The following AJAP1 variants were observed in gnomAD, a reference collection of about 807,000 sequenced individuals.
AJAP1 encodes adherens junction-associated protein 1.
In AJAP1, 5 loss-of-function variants were observed where a neutral mutation model predicts 35.0. The ratio of observed to expected loss-of-function variants is 0.14; its 90% CI spans 0.07 to 0.30. The LOEUF (loss-of-function observed/expected upper bound fraction) is 0.30. Among genes scored for constraint, AJAP1 ranks in the 10% least tolerant of loss-of-function variants. AJAP1 has a pLI of 1.00. For synonymous variants in AJAP1, 284 were observed against 249.3 expected (o/e 1.14, Z -1.31); for missense variants, 586 against 571.0 (o/e 1.03, Z -0.27).
intron 1 of AJAP1, among the ~76,000 whole-genome samples, chr1:4,694,247 T>C (rs901925006): frequency 1.6e-4 from 24 of 152,286 alleles, no homozygotes; most frequent in African/African-American, 5.1e-4. Context: ...CGATCAGATG[T>C]CGTCATAATC....
chr1:4,776,544 T>A lies in AJAP1; in HGVS notation c.*59+1986T>A, dbSNP rs115224290. Among the ~76,000 whole-genome samples, 861 of 152,012 alleles carry A rather than the reference T, an allele frequency of 5.7e-3. 13 individuals are homozygous for A. The highest frequency in any genetic ancestry group is 0.019 in the African/African-American group (790 of 41,458). On this transcript the variant is annotated intron_variant, in intron 5 of 5. Coordinates refer to ENST00000378191, the MANE Select transcript of AJAP1 (RefSeq NM_018836.4). The stretch of plus-strand genomic sequence containing the variant: ...GAACAGGAGCCCGCAGCACTGACTT[T>A]AAAAAAAATAAAAAGATAAAATAGG...
chr1:4,747,611 G>A (rs918838073), intron 2 of AJAP1, among the ~76,000 whole-genome samples: 5 of 152,198 alleles, frequency 3.3e-5, no homozygotes, highest in African/African-American at 9.7e-5. Flanking sequence ...GAGCAACTGC[G>A]TGCCATCCAC....
chr1:4,776,504 C>A (rs1641943294), intron 5 of AJAP1, among the ~76,000 whole-genome samples: 1 of 152,152 alleles, frequency 6.6e-6, no homozygotes, highest in Admixed American at 6.5e-5. Flanking sequence ...GCCCAGGGAT[C>A]CTTCTTTTCC....
chr1:4,692,836 G>A lies in AJAP1; in HGVS notation c.30-19064G>A, dbSNP rs150066482. Among the ~76,000 whole-genome samples the A allele has an allele frequency of 1.2e-3, 184 of 152,288 alleles. No homozygotes were observed. Among genetic ancestry groups the A allele is most frequent in the African/African-American group, 4.2e-3 (173 of 41,560 alleles). The stretch of plus-strand genomic sequence containing the variant: ...TGGGTTCCTCTGTCTGTTGGCCCAC[G>A]AACAGGCATTAAGTGCACATTTTTC... On this transcript the variant is annotated intron_variant, in intron 1 of 5. Transcript: ENST00000378191. This position sits in a 1 kb window ranked among gnomAD's most constrained non-coding sequence, Gnocchi z 4.4.
chr1:4,680,842 T>A (rs1250306825), intron 1 of AJAP1, among the ~76,000 whole-genome samples: 2 of 152,234 alleles, frequency 1.3e-5, no homozygotes. Flanking sequence ...TTTCTAGTGG[T>A]GTTTTTTATA....
chr1:4,778,150 T>C (rs1371059147), intron 5 of AJAP1, among the ~76,000 whole-genome samples: 1 of 152,194 alleles, frequency 6.6e-6, no homozygotes, highest in Non-Finnish European at 1.5e-5. Context: ...GCCGAGAATC[T>C]CCTTCCAGGC....
At chr1:4,676,708 T>C (rs957252369) in intron 1 of AJAP1, among the ~76,000 whole-genome samples, 1 of 152,148 alleles carries the variant, frequency 6.6e-6, no homozygotes, top group African/African-American at 2.4e-5. Flanking sequence ...CTCAAACAGA[T>C]CTTTGCTCTC....
At position 4,787,804 on chromosome 1, in the gene AJAP1, G is replaced by A. The variant is rs758704738; in HGVS notation, c.*5319G>A. 7.7e-5 allele frequency: 35 copies of A among 453,752 alleles called. No homozygotes were observed. In the East Asian group the frequency reaches 2.1e-3, roughly 27 times the overall value. 28.1% of individuals were successfully genotyped at this position (453,752 alleles called of 1,614,324 possible). A position where few individuals can be genotyped will look rare whatever the true frequency, so the allele number is the denominator to read the frequency against. On this transcript the variant is annotated 3_prime_UTR_variant, in exon 6 of 6. Coordinates refer to ENST00000378191, the MANE Select transcript of AJAP1 (RefSeq NM_018836.4). ...GCCCACGGGGCACGGGCACCTTGGG[G>A]ATGCCATTCTTCTTGGTGCCAGAAG...
chr1:4,772,579 C>G, intron 4 of AJAP1, 54 bp downstream of exon 4: 1 of 1,592,854 alleles, frequency 6.3e-7, no homozygotes, highest in East Asian at 2.2e-5. Context: ...GTGCTCCTGA[C>G]CCCCGGGGGC....
chr1:4,686,063 A>T (rs1639597717), intron 1 of AJAP1, among the ~76,000 whole-genome samples: 1 of 152,142 alleles, frequency 6.6e-6, no homozygotes, highest in African/African-American at 2.4e-5. Flanking sequence ...TTCTCCTCGG[A>T]GGTTTTGCCT....
intron 2 of AJAP1, among the ~76,000 whole-genome samples, chr1:4,735,355 G>A (rs1052329214): frequency 3.3e-5 from 5 of 152,188 alleles, no homozygotes; most frequent in African/African-American, 7.2e-5. Context: ...AGGGTGCGAT[G>A]TGCATCAGTG....
intron 2 of AJAP1, among the ~76,000 whole-genome samples, chr1:4,764,483 A>C (rs980646075): frequency 6.6e-6 from 1 of 152,122 alleles, no homozygotes. Flanking sequence ...AGTCAGGCCA[A>C]CGTGTTCCCA....
rs1366281962 is a variant in AJAP1 at position 4,787,507 on chromosome 1, T to A, written c.*5022T>A. On this transcript the variant is annotated 3_prime_UTR_variant, in exon 6 of 6. Coordinates refer to ENST00000378191, the MANE Select transcript of AJAP1 (RefSeq NM_018836.4). Reference sequence around the variant, plus strand: ...CCTTAGTCTTAGCTCTTGGATAAAATGCAGTGCAGCACTGAAGATAAGACA... The same window carrying A: ...CCTTAGTCTTAGCTCTTGGATAAAAAGCAGTGCAGCACTGAAGATAAGACA... The A allele has an allele frequency of 6.0e-6, 2 of 333,612 alleles. No homozygotes were observed. The highest frequency in any genetic ancestry group is 1.2e-5 in the Non-Finnish European group (2 of 166,882). The allele number at this position is 333,612 out of a possible 1,614,324, so 20.7% of individuals were successfully genotyped here.
Position 4,783,839 on chromosome 1 carries a change from GC to G in AJAP1, c.*1358del, listed in dbSNP as rs1052470486. Reference sequence around the variant, plus strand: ...GGCAGAACTTAGACATACGTGAAGGGCCCCGGTTGGTTTGAAAACGAAAAAT... The same window carrying G: ...GGCAGAACTTAGACATACGTGAAGGGCCCGGTTGGTTTGAAAACGAAAAAT... On this transcript the variant is annotated 3_prime_UTR_variant, in exon 6 of 6. Coordinates refer to ENST00000378191, the MANE Select transcript of AJAP1 (RefSeq NM_018836.4). 12 of 151,990 alleles carry G rather than the reference GC, an allele frequency of 7.9e-5. No homozygotes were observed. Among genetic ancestry groups the G allele is most frequent in the African/African-American group, 2.9e-4 (12 of 41,378 alleles). The allele number at this position is 151,990 out of a possible 1,614,324, so 9.4% of individuals were successfully genotyped here.
At chr1:4,759,766 A>G (rs958442695) in intron 2 of AJAP1, among the ~76,000 whole-genome samples, 1 of 152,160 alleles carries the variant, frequency 6.6e-6, no homozygotes, top group Non-Finnish European at 1.5e-5. Context: ...TGTACTGACC[A>G]TTTTATAAGC....
intron 2 of AJAP1, among the ~76,000 whole-genome samples, chr1:4,754,492 C>T (rs1026003303): frequency 3.9e-5 from 6 of 152,138 alleles, no homozygotes; most frequent in African/African-American, 1.2e-4. Context: ...TCAGGCAGCC[C>T]ATCCTCCTTG....
At chr1:4,661,280 T>C (rs1638993504) in intron 1 of AJAP1, among the ~76,000 whole-genome samples, 1 of 152,364 alleles carries the variant, frequency 6.6e-6, no homozygotes, top group South Asian at 2.1e-4. Context: ...CTGGAACTAA[T>C]ACTGTAATAC....
chr1:4,688,097 G>A (rs1639648018), intron 1 of AJAP1, among the ~76,000 whole-genome samples: 1 of 152,214 alleles, frequency 6.6e-6, no homozygotes, highest in South Asian at 2.1e-4. Flanking sequence ...GCCAGGATGG[G>A]GAAGGGGGCA....
At chr1:4,676,793 G>A (rs1639372298) in intron 1 of AJAP1, among the ~76,000 whole-genome samples, 1 of 152,168 alleles carries the variant, frequency 6.6e-6, no homozygotes, top group Non-Finnish European at 1.5e-5. Flanking sequence ...GCCAAAAGGG[G>A]TATTGCATTC....
Sources: allele counts gnomAD v4.1 joint callset (sites outside exome capture counted in the v4.1 genomes callset), GRCh38; gene constraint gnomAD v4.1.1; non-coding constraint Gnocchi (gnomAD v3.1); transcripts MANE v1.5; gene names NCBI Gene and HGNC (gene_info 2026-07-23, HGNC 2026-07-21).